MUCL3: variants seen among roughly 807,000 people sequenced by gnomAD.
MUCL3 encodes mucin like 3, also known as mucin-like protein 3.
MUCL3 carries 42 observed loss-of-function variants against 70.2 expected under a neutral mutation model. That is an observed-to-expected ratio of 0.60 (90% CI 0.47 to 0.77). MUCL3 has a LOEUF of 0.77. MUCL3 is among the 30% of genes least tolerant of loss of function. MUCL3 has a pLI of 0.00. For synonymous variants in MUCL3, 522 were observed against 647.0 expected (o/e 0.81, Z 2.93); for missense variants, 1,429 against 1,670.0 (o/e 0.86, Z 2.52).
At chr6:30,941,412 A>T (rs1795565921) in intron 1 of MUCL3, among the ~76,000 whole-genome samples, 1 of 150,136 alleles carries the variant, frequency 6.7e-6, no homozygotes. Flanking sequence ...CACGGAATTC[A>T]CAGCTGCTCA....
At chr6:30,943,808 T>C (rs912666566) in intron 1 of MUCL3, among the ~76,000 whole-genome samples, 21 of 151,862 alleles carry the variant, frequency 1.4e-4, no homozygotes, top group African/African-American at 4.3e-4. Flanking sequence ...AATCTCTGTA[T>C]ACTCCCTAGT....
rs1760556058 is a variant in MUCL3 at position 30,950,081 on chromosome 6, G to A, written c.1617G>A (p.Glu539=). 6.4e-7 allele frequency: 1 copy of A among 1,550,400 alleles called. No individual in the cohort carries two copies. The highest frequency in any genetic ancestry group is 1.4e-5 in the African/African-American group (1 of 72,406). The change falls in exon 2 of 3, where the codon GAG becomes GAA. Residue 539 remains glutamate (E), a synonymous_variant. Transcript: ENST00000462446. ...AGAACACCACACCATCCCCAGCAGA[G>A]CCTACAGAAAATAGAGAAAGGACAG... ...ANENTTPSPA[E]PTENRERTAN...
At chr6:30,944,030 T>C (rs1000696070) in intron 1 of MUCL3, among the ~76,000 whole-genome samples, 2 of 152,120 alleles carry the variant, frequency 1.3e-5, no homozygotes, top group African/African-American at 4.8e-5. Flanking sequence ...ACTCATACTG[T>C]ATAGGTATTT....
In MUCL3 at chr6:30,951,299, T is replaced by C. The variant is rs12193244; in HGVS notation, c.2835T>C (p.His945=). The C allele has an allele frequency of 6.5e-7, 1 of 1,545,088 alleles. No homozygotes were observed. Among genetic ancestry groups the C allele is most frequent in the Non-Finnish European group, 8.7e-7 (1 of 1,145,862 alleles). ...CATCCCGAGCAGAGCCTACAGAACA[T>C]GGAGAAAGGATAGCCAATGAGAAGG... is the stretch of plus-strand genomic sequence containing the variant. The part of the protein sequence containing the change: ...TTPSRAEPTE[H]GERIANEKAT... The change falls in exon 2 of 3, where the codon CAT becomes CAC. Residue 945 remains histidine (H), a synonymous_variant. Transcript: ENST00000462446.
Position 30,950,223 on chromosome 6 carries a change from A to T in MUCL3, c.1759A>T (p.Thr587Ser), listed in dbSNP as rs1185557523. ...LAEPTENGQR[T>S]PFANEKTTSS... The stretch of plus-strand genomic sequence containing the variant: ...AGAGCCTACAGAAAATGGACAAAGG[A>T]CCCCATTTGCCAATGAGAAGACCAC... The change falls in exon 2 of 3, where the codon ACC becomes TCC. Residue 587 changes from threonine (T) to serine (S), a missense_variant. By Grantham distance (58) the Thr-to-Ser change is moderately conservative (BLOSUM62 1). Coordinates refer to ENST00000462446, the MANE Select transcript of MUCL3 (RefSeq NM_080870.4). The T allele has an allele frequency of 5.8e-6, 9 of 1,549,854 alleles. No individual in the cohort carries two copies. The highest frequency in any genetic ancestry group is 7.8e-6 in the Non-Finnish European group (9 of 1,146,754).
In MUCL3 at chr6:30,950,414, C is replaced by A. The variant is rs62399398; in HGVS notation, c.1950C>A (p.Asn650Lys). The A allele has an allele frequency of 1.3e-6, 2 of 1,532,120 alleles. No individual in the cohort carries two copies. The highest frequency in any genetic ancestry group is 1.8e-6 in the Non-Finnish European group (2 of 1,139,624). 94.9% of individuals were successfully genotyped at this position (1,532,120 alleles called of 1,614,324 possible). Reference protein sequence around the residue: ...GPTENREMTANEKTTLFPAEP... With the variant: ...GPTENREMTAKEKTTLFPAEP... The stretch of plus-strand genomic sequence containing the variant: ...CAGAAAATAGAGAAATGACAGCCAA[C>A]GAGAAGACCACACTATTCCCAGCAG... The change falls in exon 2 of 3, where the codon AAC becomes AAA. Residue 650 changes from asparagine to lysine, a missense_variant. Transcript: ENST00000462446.
intron 1 of MUCL3, 109 bp downstream of exon 1, chr6:30,941,190 C>A: frequency 7.5e-7 from 1 of 1,328,860 alleles, no homozygotes; most frequent in Non-Finnish European, 1.0e-6. Context: ...GGGGCTGCTA[C>A]AGACAGTTGT....
chr6:30,945,473 TAAAA>T (rs11441516), intron 1 of MUCL3, among the ~76,000 whole-genome samples: 1 of 114,140 alleles, frequency 8.8e-6, no homozygotes, highest in Non-Finnish European at 1.7e-5. Flanking sequence ...CCCTGCGTCT[TAAAA>T]AAAAAAAAAA....
chr6:30,948,291 T>C (rs1189409352), intron 1 of MUCL3, among the ~76,000 whole-genome samples: 2 of 152,338 alleles, frequency 1.3e-5, no homozygotes. Context: ...TCAGAAAAGA[T>C]GCCTTAAAGC....
At chr6:30,943,091 G>A (rs1436145653) in intron 1 of MUCL3, among the ~76,000 whole-genome samples, 1 of 152,176 alleles carries the variant, frequency 6.6e-6, no homozygotes, top group East Asian at 1.9e-4. Flanking sequence ...AGAGAGGCCA[G>A]GGCAGGAAGG....
rs1760760731 is a variant in MUCL3 at position 30,952,448 on chromosome 6, G to A, written c.3984G>A (p.Val1328=). The change falls in exon 2 of 3, where the codon GTG becomes GTA. Residue 1328 remains valine (V), a synonymous_variant. Coordinates refer to ENST00000462446, the MANE Select transcript of MUCL3 (RefSeq NM_080870.4). ...DSFPAWAIVI[V]VLVAVILLLV... Reference sequence around the variant, plus strand: ...TCCCTGCATGGGCCATAGTTATTGTGGTCCTGGTGGCTGTGATTCTCCTCC... The same window carrying A: ...TCCCTGCATGGGCCATAGTTATTGTAGTCCTGGTGGCTGTGATTCTCCTCC... 1 of 1,612,170 alleles carries A rather than the reference G, an allele frequency of 6.2e-7. No homozygotes were observed. The highest frequency in any genetic ancestry group is 1.3e-5 in the African/African-American group (1 of 74,830).
Position 30,948,909 on chromosome 6 carries a change from C to T in MUCL3, c.445C>T (p.His149Tyr). 3 of 1,550,714 alleles carry T rather than the reference C, an allele frequency of 1.9e-6. No homozygotes were observed. The highest frequency in any genetic ancestry group is 1.7e-6 in the Non-Finnish European group (2 of 1,146,768). Residue 149 changes from histidine (H) to tyrosine (Y), a missense_variant, in exon 2 of 3, where the codon CAT becomes TAT. Coordinates refer to ENST00000462446, the MANE Select transcript of MUCL3 (RefSeq NM_080870.4). ...TGATCCTGCTGACTCCACTACCACACATAAAGAATCCGCTGGAAAAAAACA... is the reference window on the plus strand; with the variant it reads ...TGATCCTGCTGACTCCACTACCACATATAAAGAATCCGCTGGAAAAAAACA... ...SVDPADSTTTHKESAGKKHIT... is the reference protein window; with the variant it reads ...SVDPADSTTTYKESAGKKHIT...
Position 30,951,490 on chromosome 6 carries a change from C to T in MUCL3, c.3026C>T (p.Ala1009Val). ...TESTEHGERTANEKTTPSPAE... is the reference protein window; with the variant it reads ...TESTEHGERTVNEKTTPSPAE... ...TCTACAGAACATGGAGAAAGGACAG[C>T]CAATGAGAAGACCACACCATCCCCA... The change falls in exon 2 of 3, where the codon GCC becomes GTC. Residue 1009 changes from alanine (A) to valine (V), a missense_variant. Transcript: ENST00000462446. 6.4e-7 allele frequency: 1 copy of T among 1,551,900 alleles called. No individual in the cohort carries two copies. The highest frequency in any genetic ancestry group is 1.2e-5 in the South Asian group (1 of 84,042).
chr6:30,944,888 C>T (rs1795723308), intron 1 of MUCL3, among the ~76,000 whole-genome samples: 1 of 152,232 alleles, frequency 6.6e-6, no homozygotes, highest in Non-Finnish European at 1.5e-5. Flanking sequence ...GGGGTTTACA[C>T]TGATTTGCCT....
intron 1 of MUCL3, among the ~76,000 whole-genome samples, chr6:30,941,457 C>CTTTTTTT (rs9278811): frequency 9.5e-6 from 1 of 105,258 alleles, no homozygotes; most frequent in Non-Finnish European, 2.0e-5. Context: ...TCTTCTTCTT[C>CTTTTTTT]TTTTTTTTTT....
At position 30,948,920 on chromosome 6, in the gene MUCL3, C is replaced by T. The variant is rs770247081; in HGVS notation, c.456C>T (p.Ser152=). The T allele has an allele frequency of 5.2e-6, 8 of 1,550,152 alleles. No individual in the cohort carries two copies. Among genetic ancestry groups the T allele is most frequent in the South Asian group, 2.4e-5 (2 of 83,764 alleles). ...PADSTTTHKE[S]AGKKHITPAP... ...ACTCCACTACCACACATAAAGAATCCGCTGGAAAAAAACATATAACGCCAG... is the reference window on the plus strand; with the variant it reads ...ACTCCACTACCACACATAAAGAATCTGCTGGAAAAAAACATATAACGCCAG... Residue 152 remains serine (S), a synonymous_variant, in exon 2 of 3, where the codon TCC becomes TCT. Coordinates refer to ENST00000462446, the MANE Select transcript of MUCL3 (RefSeq NM_080870.4).
chr6:30,948,868 G>A lies in MUCL3; in HGVS notation c.404G>A (p.Arg135Gln), dbSNP rs138097862. The A allele has an allele frequency of 4.0e-3, 6,201 of 1,551,512 alleles. 52 individuals carry two copies. Among genetic ancestry groups the A allele is most frequent in the African/African-American group, 0.022 (1,591 of 73,104 alleles). ...SSNQGKDPMIRNQRSVDPADS... is the reference protein window; with the variant it reads ...SSNQGKDPMIQNQRSVDPADS... Reference sequence around the variant, plus strand: ...AACCAAGGGAAAGACCCAATGATCCGGAACCAGCGCTCTGTTGATCCTGCT... The same window carrying A: ...AACCAAGGGAAAGACCCAATGATCCAGAACCAGCGCTCTGTTGATCCTGCT... The change falls in exon 2 of 3, where the codon CGG becomes CAG. Residue 135 changes from arginine (R) to glutamine (Q), a missense_variant. Physicochemically the swap from Arg to Gln is conservative, Grantham distance 43 (BLOSUM62 1). Transcript: ENST00000462446.
Position 30,952,076 on chromosome 6 carries a change from C to T in MUCL3, c.3612C>T (p.Val1204=), listed in dbSNP as rs138126978. Residue 1204 remains valine, a synonymous_variant, in exon 2 of 3, where the codon GTC becomes GTT. Coordinates refer to ENST00000462446, the MANE Select transcript of MUCL3 (RefSeq NM_080870.4). ...TICTKGKNTP[V]PEKPTENLGN... ...GCACCAAAGGGAAAAACACACCAGT[C>T]CCAGAAAAGCCTACAGAAAACCTGG... 281 of 1,607,884 alleles carry T rather than the reference C, an allele frequency of 1.7e-4. No individual in the cohort carries two copies. Among genetic ancestry groups the T allele is most frequent in the Non-Finnish European group, 2.3e-4 (271 of 1,178,704 alleles).
Position 30,951,284 on chromosome 6 carries a change from A to C in MUCL3, c.2820A>C (p.Ala940=), listed in dbSNP as rs1760670558. The change falls in exon 2 of 3, where the codon GCA becomes GCC. Residue 940 remains alanine, a synonymous_variant. Transcript: ENST00000462446. ...LANEITTPSR[A]EPTEHGERIA... ...ATGAGATCACCACACCATCCCGAGCAGAGCCTACAGAACATGGAGAAAGGA... is the reference window on the plus strand; with the variant it reads ...ATGAGATCACCACACCATCCCGAGCCGAGCCTACAGAACATGGAGAAAGGA... 2 of 1,551,430 alleles carry C rather than the reference A, an allele frequency of 1.3e-6. No individual in the cohort carries two copies. The highest frequency in any genetic ancestry group is 2.7e-5 in the African/African-American group (2 of 72,834).
Sources: allele counts gnomAD v4.1 joint callset (sites outside exome capture counted in the v4.1 genomes callset), GRCh38; gene constraint gnomAD v4.1.1; transcripts MANE v1.5; gene names NCBI Gene and HGNC (gene_info 2026-07-23, HGNC 2026-07-21).